Variants in ESRP1 observed in about 807,000 individuals in gnomAD.
The protein encoded by ESRP1 is RNA-binding motif protein 35A.
In ESRP1, 33 loss-of-function variants were observed where a neutral mutation model predicts 81.7. The ratio of observed to expected loss-of-function variants is 0.40; its 90% CI spans 0.31 to 0.54. The LOEUF is 0.54. Among genes scored for constraint, ESRP1 ranks in the 20% least tolerant of loss-of-function variants. The probability of loss-of-function intolerance (pLI) is 0.41; values close to 1 mark genes in which losing one functional copy is unlikely to be tolerated. For synonymous variants in ESRP1, 320 were observed against 303.3 expected (o/e 1.06, Z -0.57); for missense variants, 672 against 833.1 (o/e 0.81, Z 2.38).
At chr8:94,701,172 G>A (rs1809820033) in intron 15 of ESRP1, among the ~76,000 whole-genome samples, 1 of 151,456 alleles carries the variant, frequency 6.6e-6, no homozygotes, top group African/African-American at 2.4e-5. Flanking sequence ...CTACTCAGAA[G>A]GCTGAGGCAG....
chr8:94,684,384 A>G (rs1366434783), intron 13 of ESRP1, among the ~76,000 whole-genome samples: 2 of 152,168 alleles, frequency 1.3e-5, no homozygotes, highest in African/African-American at 4.8e-5. Context: ...CAGTCCATAG[A>G]CTGCTGTAGT....
At chr8:94,649,078 G>A (rs375930568) in intron 4 of ESRP1, among the ~76,000 whole-genome samples, 29 of 152,200 alleles carry the variant, frequency 1.9e-4, no homozygotes, top group African/African-American at 2.9e-4. Context: ...AAAATTAGCC[G>A]GGCATGATGA....
At chr8:94,680,885 T>C (rs1808846381) in intron 13 of ESRP1, among the ~76,000 whole-genome samples, 1 of 152,000 alleles carries the variant, frequency 6.6e-6, no homozygotes, top group African/African-American at 2.4e-5. Context: ...AGCTCTTGTG[T>C]TTTTCTTTAT....
At position 94,646,210 on chromosome 8, in the gene ESRP1, C is replaced by T; in HGVS notation, c.418C>T (p.Arg140Ter). 2 of 1,611,770 alleles carry T rather than the reference C, an allele frequency of 1.2e-6. No homozygotes were observed. The highest frequency in any genetic ancestry group is 1.7e-6 in the Non-Finnish European group (2 of 1,178,768). Residue 140 changes from arginine to a stop codon, truncating the protein, a stop_gained, in exon 4 of 16, where the codon CGA becomes TGA. Coordinates refer to ENST00000433389, the MANE Select transcript of ESRP1 (RefSeq NM_017697.4). LOFTEE classifies it high-confidence loss of function. ...PECFYSFFDL[R>*]KEFKKCCPGS... is the part of the protein sequence containing the mutation. Reference sequence around the variant, plus strand: ...ATGCTTCTATTCCTTTTTTGATCTTCGAAAAGAATTCAAGAAATGTTGCCC... The same window carrying T: ...ATGCTTCTATTCCTTTTTTGATCTTTGAAAAGAATTCAAGAAATGTTGCCC...
intron 4 of ESRP1, among the ~76,000 whole-genome samples, chr8:94,651,607 G>C (rs74512295): frequency 0.16 from 23,461 of 149,356 alleles, 2,313 homozygotes; most frequent in Non-Finnish European, 0.23. Flanking sequence ...ATGACAAAAG[G>C]GTTTAGGAAT....
At chr8:94,691,164 A>G (rs991750591) in intron 13 of ESRP1, among the ~76,000 whole-genome samples, 2 of 152,218 alleles carry the variant, frequency 1.3e-5, no homozygotes, top group African/African-American at 4.8e-5. Context: ...TTGTGATCAC[A>G]TAGTAGCCTT....
In ESRP1 at chr8:94,641,288, A is replaced by ACCCCCCCCCCCCCCCC; in HGVS notation, c.-24_-23insCCCCCCCCCCCCCCCC. 1 of 1,030,376 alleles carries ACCCCCCCCCCCCCCCC rather than the reference A, an allele frequency of 9.7e-7. No homozygotes were observed. The highest frequency in any genetic ancestry group is 1.5e-6 in the Non-Finnish European group (1 of 679,858). The allele number at this position is 1,030,376 out of a possible 1,614,324, so 63.8% of individuals were successfully genotyped here. A position where few individuals can be genotyped will look rare whatever the true frequency, so the allele number is the denominator to read the frequency against. On this transcript the variant is annotated 5_prime_UTR_variant, in exon 1 of 16. Transcript: ENST00000433389. ...TTCCACACCACCTTACCGCCTCCCG[A>ACCCCCCCCCCCCCCCC]CCCCCCCTCTCCCCCTCCCCACCTA...
intron 4 of ESRP1, among the ~76,000 whole-genome samples, chr8:94,651,987 CTTTTTTTTTTTT>C (rs35903773): frequency 7.7e-5 from 5 of 65,222 alleles, no homozygotes; most frequent in African/African-American, 2.9e-4. Context: ...TCTAAAACGC[CTTTTTTTTTTTT>C]TTTTTTTTTT....
intron 15 of ESRP1, among the ~76,000 whole-genome samples, chr8:94,700,961 G>GTA (rs1259700758): frequency 2.4e-5 from 3 of 123,752 alleles, no homozygotes; most frequent in African/African-American, 1.1e-4. Flanking sequence ...GTATGTGTGT[G>GTA]TGTGTGTGTG....
chr8:94,690,226 T>C (rs190612458), intron 13 of ESRP1, among the ~76,000 whole-genome samples: 2 of 151,134 alleles, frequency 1.3e-5, no homozygotes, highest in African/African-American at 4.8e-5. Flanking sequence ...TCACCCACTT[T>C]CATCTCCCAA....
intron 12 of ESRP1, among the ~76,000 whole-genome samples, chr8:94,677,572 G>A (rs904714336): frequency 5.3e-5 from 8 of 152,166 alleles, no homozygotes; most frequent in Non-Finnish European, 1.0e-4. Flanking sequence ...TTCCCAGGTT[G>A]GATTTTTTTC....
chr8:94,646,406 G>A (rs1166288309), intron 4 of ESRP1, 124 bp downstream of exon 4: 1 of 590,616 alleles, frequency 1.7e-6, no homozygotes, highest in Non-Finnish European at 2.9e-6. Flanking sequence ...TCCAAAATTT[G>A]TTTACTCTGC....
intron 2 of ESRP1, among the ~76,000 whole-genome samples, chr8:94,643,090 T>C (rs1016646675): frequency 6.6e-6 from 1 of 152,218 alleles, no homozygotes; most frequent in Non-Finnish European, 1.5e-5. Flanking sequence ...AAGTTTCTCC[T>C]GGGCGCGAAC....
At chr8:94,656,957 AT>A (rs1490939508) in intron 4 of ESRP1, among the ~76,000 whole-genome samples, 1 of 152,264 alleles carries the variant, frequency 6.6e-6, no homozygotes, top group Non-Finnish European at 1.5e-5. Flanking sequence ...GCTAATATTG[AT>A]AAACCATAAA....
At chr8:94,668,421 G>C in intron 10 of ESRP1, 171 bp downstream of exon 10, 1 of 577,318 alleles carries the variant, frequency 1.7e-6, no homozygotes, top group South Asian at 2.6e-5. Context: ...CTGTTATCCT[G>C]TACACACACA....
chr8:94,676,999 A>T (rs4348461), intron 12 of ESRP1, among the ~76,000 whole-genome samples: 70,564 of 151,766 alleles, frequency 0.46, 19,474 homozygotes, highest in South Asian at 0.68. Context: ...CTAAAAAAAA[A>T]TTCAAGAAAT....
intron 13 of ESRP1, among the ~76,000 whole-genome samples, chr8:94,688,956 A>G (rs1378840858): frequency 6.6e-6 from 1 of 152,144 alleles, no homozygotes; most frequent in African/African-American, 2.4e-5. Flanking sequence ...CCATTTTAGC[A>G]ATATTAATTC....
intron 11 of ESRP1, among the ~76,000 whole-genome samples, 193 bp from the exon 12 acceptor site, chr8:94,674,115 G>A (rs1819473000): frequency 6.6e-6 from 1 of 152,158 alleles, no homozygotes; most frequent in Non-Finnish European, 1.5e-5. Context: ...GTTTCTTAAA[G>A]GTTTTGTTGG....
chr8:94,698,269 T>C (rs1172326577), intron 15 of ESRP1, among the ~76,000 whole-genome samples: 2 of 152,162 alleles, frequency 1.3e-5, no homozygotes, highest in Admixed American at 6.6e-5. Context: ...CATTCCTCCT[T>C]CTCCCCAGCC....
Sources: gnomAD v4.1 joint callset for allele counts (sites outside exome capture counted in the v4.1 genomes callset) on GRCh38, gnomAD v4.1.1 for gene constraint, MANE v1.5 for transcripts, NCBI Gene and HGNC (gene_info 2026-07-23, HGNC 2026-07-21) for gene names.